Variants in DPP6 observed in about 807,000 individuals in gnomAD.
DPP6 encodes dipeptidyl peptidase like 6.
In DPP6, 69 loss-of-function variants were observed where a neutral mutation model predicts 122.6. That is an observed-to-expected ratio of 0.56 (90% CI 0.46 to 0.69). The LOEUF (loss-of-function observed/expected upper bound fraction) is 0.69, where lower values mean the gene tolerates loss of function less well. DPP6 is among the 30% of genes least tolerant of loss of function. DPP6 has a pLI of 0.00. For synonymous variants in DPP6, 418 were observed against 433.1 expected (o/e 0.97, Z 0.43); for missense variants, 928 against 1,116.9 (o/e 0.83, Z 2.41).
At chr7:154,703,866 G>A (rs908202478) in intron 7 of DPP6, among the ~76,000 whole-genome samples, 5 of 152,076 alleles carry the variant, frequency 3.3e-5, no homozygotes, top group Non-Finnish European at 5.9e-5. Flanking sequence ...GAACCTGGGA[G>A]GCGGAGCTTG....
intron 1 of DPP6, among the ~76,000 whole-genome samples, chr7:154,154,662 C>A (rs959481795): frequency 2.6e-5 from 4 of 152,248 alleles, no homozygotes; most frequent in African/African-American, 9.6e-5. Flanking sequence ...GCTAGATTGA[C>A]TGAAGTCTAA....
In DPP6 at chr7:154,486,800, G is replaced by T. The variant is rs922283752; in HGVS notation, c.457+11763G>T. Among the ~76,000 whole-genome samples the T allele has an allele frequency of 6.6e-6, 1 of 152,098 alleles. No individual in the cohort carries two copies. Among genetic ancestry groups the T allele is most frequent in the African/African-American group, 2.4e-5 (1 of 41,418 alleles). On this transcript the variant is annotated intron_variant, in intron 3 of 25. Coordinates refer to ENST00000377770, the MANE Select transcript of DPP6 (RefSeq NM_130797.4). The surrounding 1 kb of genome is among the most constrained non-coding windows in gnomAD (Gnocchi z 4.5). ...GGGCAGCCGATTTCTTCCACACCAC[G>T]CTGGTCCCTTCCAGAGGTGCTGTAG...
chr7:154,163,351 T>C (rs545468557), intron 1 of DPP6, among the ~76,000 whole-genome samples: 1 of 152,364 alleles, frequency 6.6e-6, no homozygotes, highest in South Asian at 2.1e-4. Context: ...GTTTGGGGTT[T>C]GTACTTCAGT....
chr7:154,773,386 G>T (rs141828307), intron 10 of DPP6, among the ~76,000 whole-genome samples: 12 of 152,184 alleles, frequency 7.9e-5, no homozygotes, highest in African/African-American at 2.9e-4. Context: ...TGGTAAGGTC[G>T]CAACCCTGTG....
At chr7:154,593,133 G>A (rs1043060579) in intron 5 of DPP6, among the ~76,000 whole-genome samples, 1 of 152,126 alleles carries the variant, frequency 6.6e-6, no homozygotes, top group Non-Finnish European at 1.5e-5. Flanking sequence ...CCCTGTGAGG[G>A]CACCTAACAG....
At chr7:154,232,010 C>G (rs986430436) in intron 1 of DPP6, among the ~76,000 whole-genome samples, 1 of 152,152 alleles carries the variant, frequency 6.6e-6, no homozygotes, top group East Asian at 1.9e-4. Flanking sequence ...CAGGGACTTA[C>G]CCTCAAACAG....
intron 1 of DPP6, among the ~76,000 whole-genome samples, chr7:154,390,739 C>A (rs1814545373): frequency 6.6e-6 from 1 of 152,074 alleles, no homozygotes; most frequent in Non-Finnish European, 1.5e-5. Flanking sequence ...TCTGGCACTG[C>A]CCCTGTGTTT....
At chr7:154,873,379 C>A (rs1320847771) in intron 19 of DPP6, among the ~76,000 whole-genome samples, 1 of 152,196 alleles carries the variant, frequency 6.6e-6, no homozygotes, top group Non-Finnish European at 1.5e-5. Flanking sequence ...TGAGCAAATG[C>A]CCCAATGCAC....
the DPP6 span, among the ~76,000 whole-genome samples, chr7:153,773,056 G>C: frequency 6.8e-6 from 1 of 146,690 alleles, no homozygotes; most frequent in Non-Finnish European, 1.5e-5. Flanking sequence ...TAATATAAAA[G>C]TAACAAGTAA....
chr7:154,867,935 G>T, intron 17 of DPP6, 60 bp from the exon 18 acceptor site: 4 of 1,513,676 alleles, frequency 2.6e-6, no homozygotes, highest in South Asian at 2.7e-5. Context: ...GCCATGGCCC[G>T]CAGAGGTCCT....
chr7:154,178,437 A>G (rs866505415), intron 1 of DPP6, among the ~76,000 whole-genome samples: 1 of 151,988 alleles, frequency 6.6e-6, no homozygotes, highest in Non-Finnish European at 1.5e-5. Flanking sequence ...GAAAAGTACA[A>G]TAAATGGGTT....
intron 1 of DPP6, among the ~76,000 whole-genome samples, chr7:154,365,577 C>A (rs1812086547): frequency 6.6e-6 from 1 of 152,204 alleles, no homozygotes; most frequent in Non-Finnish European, 1.5e-5. Flanking sequence ...TCAGAGTCCG[C>A]CAGGTGGCAT....
chr7:154,509,976 TC>T (rs1416742344), intron 3 of DPP6, among the ~76,000 whole-genome samples: 1 of 152,170 alleles, frequency 6.6e-6, no homozygotes, highest in African/African-American at 2.4e-5. Flanking sequence ...GTTAAGGGAT[TC>T]CTTTTTGAGA....
In DPP6 at chr7:154,241,185, A is replaced by ATGCGTGTGTG. The variant is rs34454400; in HGVS notation, c.243+188124_243+188125insCGTGTGTGTG. The stretch of plus-strand genomic sequence containing the variant: ...GCACAGTAGGTAATTCAATATCAAT[A>ATGCGTGTGTG]TGTGTGTGTGTGTGTGTGTGTGTGT... On this transcript the variant is annotated intron_variant, in intron 1 of 25. Transcript: ENST00000377770. The surrounding 1 kb of genome is among the most constrained non-coding windows in gnomAD (Gnocchi z 9.0). 0.14 allele frequency among the ~76,000 whole-genome samples: 18,790 copies of ATGCGTGTGTG among 135,834 alleles called. 1,384 individuals are homozygous for ATGCGTGTGTG. The highest frequency in any genetic ancestry group is 0.17 in the South Asian group (635 of 3,814). The allele number at this position is 135,834 out of a possible 152,430, so 89.1% of individuals were successfully genotyped here. A position where few individuals can be genotyped will look rare whatever the true frequency, so the allele number is the denominator to read the frequency against.
At chr7:154,284,087 G>GT (rs34128520) in intron 1 of DPP6, among the ~76,000 whole-genome samples, 39,968 of 151,954 alleles carry the variant, frequency 0.26, 5,456 homozygotes, top group East Asian at 0.46. Context: ...AGCTGAGTCA[G>GT]GGGGAGCTGC....
At chr7:154,344,712 C>A (rs2151067908) in intron 1 of DPP6, among the ~76,000 whole-genome samples, 1 of 152,074 alleles carries the variant, frequency 6.6e-6, no homozygotes, top group African/African-American at 2.4e-5. Context: ...CCGGTGAGAC[C>A]CCCATCTCTA....
the DPP6 span, among the ~76,000 whole-genome samples, chr7:153,863,963 G>C: frequency 8.5e-5 from 13 of 152,242 alleles, no homozygotes; most frequent in Non-Finnish European, 1.6e-4. Context: ...ACCACATTTT[G>C]TTTATCCGTT....
chr7:154,889,488 C>T lies in DPP6; in HGVS notation c.2409C>T (p.Leu803=), dbSNP rs751123017. The T allele has an allele frequency of 8.1e-6, 13 of 1,601,106 alleles. No individual in the cohort carries two copies. The East Asian group carries it at 2.7e-4, about 33-fold the overall frequency. The change falls in exon 25 of 26, where the codon CTC becomes CTT. Residue 803 remains leucine, a synonymous_variant. Transcript: ENST00000377770. ...EKIHFQHTAE[L]ITQLIRGKAN... ...TTCATTTCCAGCACACAGCAGAACTCATTACACAACTAATTAGGGGAAAGG... is the reference window on the plus strand; with the variant it reads ...TTCATTTCCAGCACACAGCAGAACTTATTACACAACTAATTAGGGGAAAGG...
chr7:154,506,926 A>G (rs1418737661), intron 3 of DPP6, among the ~76,000 whole-genome samples: 1 of 152,122 alleles, frequency 6.6e-6, no homozygotes, highest in Admixed American at 6.6e-5. Context: ...ATAGATTAAC[A>G]CTGTTGGGAA....
Sources: allele counts gnomAD v4.1 joint callset (sites outside exome capture counted in the v4.1 genomes callset), GRCh38; gene constraint gnomAD v4.1.1; non-coding constraint Gnocchi (gnomAD v3.1); transcripts MANE v1.5; gene names NCBI Gene and HGNC (gene_info 2026-07-23, HGNC 2026-07-21).